The following PDCD1LG2 variants were observed in gnomAD, a reference collection of about 807,000 sequenced individuals.
PDCD1LG2 encodes programmed cell death 1 ligand 2, also known as B7 dendritic cell molecule.
Under a neutral mutation model 28.2 loss-of-function variants are expected in PDCD1LG2, and 32 were observed. That is an observed-to-expected ratio of 1.13 (90% CI 0.86 to 1.52). The LOEUF (loss-of-function observed/expected upper bound fraction) is 1.52, where lower values mean the gene tolerates loss of function less well. PDCD1LG2 is among the 40% of genes most tolerant of loss of function. PDCD1LG2 has a pLI of 0.00. For missense variants in PDCD1LG2, 385 were observed against 323.8 expected, an observed-to-expected ratio of 1.19 and a Z score of -1.45; for synonymous variants, 116 against 120.2, an observed-to-expected ratio of 0.97 and a Z score of 0.23.
intron 1 of PDCD1LG2, among the ~76,000 whole-genome samples, chr9:5,518,466 A>G (rs1016899200): frequency 6.6e-6 from 1 of 152,350 alleles, no homozygotes; most frequent in Admixed American, 6.5e-5. Context: ...TCATGCTCTA[A>G]AAATAAGAGT....
At position 5,516,350 on chromosome 9, in the gene PDCD1LG2, G is replaced by A. The variant is rs369761381; in HGVS notation, c.-15+5547G>A. Among the ~76,000 whole-genome samples the A allele has an allele frequency of 7.2e-4, 110 of 152,224 alleles. No homozygotes were observed. In the Middle Eastern group the frequency reaches 0.02, roughly 28 times the overall value. ...CAGGCATGAGCCACTGAGCCCGGTC[G>A]AGTCCAGGGTTTTTACAGGCTCAGA... On this transcript the variant is annotated intron_variant, in intron 1 of 6. Coordinates refer to ENST00000397747, the MANE Select transcript of PDCD1LG2 (RefSeq NM_025239.4).
chr9:5,553,272 C>T (rs1209472155), intron 4 of PDCD1LG2, among the ~76,000 whole-genome samples: 1 of 152,180 alleles, frequency 6.6e-6, no homozygotes, highest in Non-Finnish European at 1.5e-5. Flanking sequence ...ATGGTTGAGA[C>T]CACAGACTTC....
intron 1 of PDCD1LG2, among the ~76,000 whole-genome samples, chr9:5,511,310 T>C (rs1820052532): frequency 6.6e-6 from 1 of 152,238 alleles, no homozygotes; most frequent in Admixed American, 6.5e-5. Flanking sequence ...GTAATCATTA[T>C]TGAACAAAAG....
chr9:5,513,028 A>C (rs1239485601), intron 1 of PDCD1LG2, among the ~76,000 whole-genome samples: 1 of 152,160 alleles, frequency 6.6e-6, no homozygotes, highest in Non-Finnish European at 1.5e-5. Context: ...TGACCCCCTA[A>C]TTGAGAGGCT....
intron 3 of PDCD1LG2, among the ~76,000 whole-genome samples, chr9:5,545,063 G>C (rs1442649803): frequency 6.6e-6 from 1 of 152,208 alleles, no homozygotes; most frequent in Non-Finnish European, 1.5e-5. Context: ...AGACTAGATG[G>C]AGTCTTCCCA....
intron 3 of PDCD1LG2, among the ~76,000 whole-genome samples, chr9:5,542,037 T>C (rs1382933796): frequency 6.6e-6 from 1 of 152,092 alleles, no homozygotes; most frequent in Non-Finnish European, 1.5e-5. Flanking sequence ...CAAATACTTA[T>C]AGCCAACTGA....
chr9:5,563,109 C>G (rs2129946047), intron 5 of PDCD1LG2, 53 bp from the exon 6 acceptor site: 4 of 1,378,412 alleles, frequency 2.9e-6, no homozygotes, highest in Non-Finnish European at 3.1e-6. Context: ...AATCTATAAG[C>G]CAAACAGTTT....
intron 4 of PDCD1LG2, among the ~76,000 whole-genome samples, chr9:5,553,448 T>C (rs1816377068): frequency 6.6e-6 from 1 of 152,216 alleles, no homozygotes; most frequent in East Asian, 1.9e-4. Flanking sequence ...GCCAGTACTT[T>C]GGATGAATTG....
intron 6 of PDCD1LG2, among the ~76,000 whole-genome samples, chr9:5,567,483 A>G (rs568591277): frequency 6.6e-6 from 1 of 152,346 alleles, no homozygotes; most frequent in East Asian, 1.9e-4. Context: ...GTAAAACTTT[A>G]GGAGTGGATT....
chr9:5,565,801 AATATT>A (rs1211639956), intron 6 of PDCD1LG2, among the ~76,000 whole-genome samples: 13 of 152,196 alleles, frequency 8.5e-5, no homozygotes, highest in Non-Finnish European at 1.6e-4. Flanking sequence ...ACTAAAAAAC[AATATT>A]AAAATAAATT....
chr9:5,554,734 G>T (rs1816403437), intron 4 of PDCD1LG2, among the ~76,000 whole-genome samples: 1 of 152,244 alleles, frequency 6.6e-6, no homozygotes. Context: ...AAGGACCCTT[G>T]TAGGGCTGGC....
rs1467714563 is a variant in PDCD1LG2 at position 5,570,217 on chromosome 9, C to T, written c.*258C>T. ...TACTGCACTTTACAGAATTACCCCA[C>T]TGGATCCTGGACCCACAGAATTCCT... On this transcript the variant is annotated 3_prime_UTR_variant, in exon 7 of 7. Transcript: ENST00000397747. The T allele has an allele frequency of 2.4e-6, 1 of 411,742 alleles. No homozygotes were observed. Among genetic ancestry groups the T allele is most frequent in the Non-Finnish European group, 4.4e-6 (1 of 228,446 alleles). 25.5% of individuals were successfully genotyped at this position (411,742 alleles called of 1,614,324 possible).
intron 1 of PDCD1LG2, among the ~76,000 whole-genome samples, chr9:5,517,144 G>C (rs1054800752): frequency 3.9e-5 from 6 of 152,220 alleles, no homozygotes; most frequent in African/African-American, 1.4e-4. Context: ...GGTAATGACT[G>C]CTTTGGGGGA....
intron 1 of PDCD1LG2, among the ~76,000 whole-genome samples, chr9:5,515,537 C>T (rs192120811): frequency 6.6e-6 from 1 of 152,270 alleles, no homozygotes; most frequent in Non-Finnish European, 1.5e-5. Flanking sequence ...GTGGGTAGCA[C>T]TTTTCCATAG....
chr9:5,549,670 C>T (rs779760851), intron 4 of PDCD1LG2, 66 bp downstream of exon 4: 24 of 1,574,610 alleles, frequency 1.5e-5, no homozygotes, highest in Middle Eastern at 1.7e-4. Flanking sequence ...ATGGCATACT[C>T]GAGTGATTTG....
chr9:5,533,372 T>A (rs1400712594), intron 2 of PDCD1LG2, among the ~76,000 whole-genome samples: 2 of 152,134 alleles, frequency 1.3e-5, no homozygotes, highest in African/African-American at 2.4e-5. Context: ...ATTCAACTTT[T>A]AAAAAATAAA....
chr9:5,545,234 T>C (rs1311010983), intron 3 of PDCD1LG2, among the ~76,000 whole-genome samples: 2 of 152,252 alleles, frequency 1.3e-5, no homozygotes, highest in Non-Finnish European at 1.5e-5. Flanking sequence ...TAAGAGGTCA[T>C]ATAACTAGCC....
intron 6 of PDCD1LG2, among the ~76,000 whole-genome samples, chr9:5,564,325 C>G (rs1816622600): frequency 6.6e-6 from 1 of 152,162 alleles, no homozygotes; most frequent in African/African-American, 2.4e-5. Flanking sequence ...AACAAAAGGA[C>G]ATCTGTGATA....
In PDCD1LG2 at chr9:5,557,271, G is replaced by T. The variant is rs1371689871; in HGVS notation, c.632-347G>T. Among the ~76,000 whole-genome samples the T allele has an allele frequency of 4.6e-5, 7 of 150,772 alleles. No homozygotes were observed. In the East Asian group the frequency reaches 1.2e-3, roughly 26 times the overall value. On this transcript the variant is annotated intron_variant, in intron 4 of 6. Coordinates refer to ENST00000397747, the MANE Select transcript of PDCD1LG2 (RefSeq NM_025239.4). ...TTAGATGATAGATGGATGGATTGAT[G>T]GATGGATGGAAAAAAATAACATGAG...
Sources: gnomAD v4.1 joint callset for allele counts (sites outside exome capture counted in the v4.1 genomes callset) on GRCh38, gnomAD v4.1.1 for gene constraint, MANE v1.5 for transcripts, NCBI Gene and HGNC (gene_info 2026-07-23, HGNC 2026-07-21) for gene names.